Variants in ALG5 observed in about 807,000 individuals in gnomAD.
ALG5 encodes the protein dolichyl-phosphate beta-glucosyltransferase.
Under a neutral mutation model 51.8 loss-of-function variants are expected in ALG5, and 26 were observed. That is an observed-to-expected ratio of 0.50 (90% CI 0.37 to 0.70). The LOEUF is 0.70. Among genes scored for constraint, ALG5 ranks in the 30% least tolerant of loss-of-function variants. ALG5 has a pLI of 0.00. For synonymous variants in ALG5, 141 were observed against 136.1 expected, an observed-to-expected ratio of 1.04 and a Z score of -0.25; for missense variants, 311 against 399.3, an observed-to-expected ratio of 0.78 and a Z score of 1.88.
At chr13:36,971,168 T>C (rs984721664) in intron 7 of ALG5, among the ~76,000 whole-genome samples, 2 of 152,168 alleles carry the variant, frequency 1.3e-5, no homozygotes, top group East Asian at 3.8e-4. Flanking sequence ...GAATTGAACA[T>C]CTTTAGTGAC....
chr13:36,970,824 T>C (rs1384930428), intron 7 of ALG5, among the ~76,000 whole-genome samples: 5 of 151,418 alleles, frequency 3.3e-5, no homozygotes, highest in Non-Finnish European at 7.4e-5. Flanking sequence ...GGCAGAAGAA[T>C]TGCTTGAACC....
chr13:36,952,815 T>C lies in ALG5; in HGVS notation c.774-216A>G, dbSNP rs1222799657. On this transcript the variant is annotated intron_variant, in intron 8 of 9. Coordinates refer to ENST00000239891, the MANE Select transcript of ALG5 (RefSeq NM_013338.5). ...TAGAATATCATTGCATAATATTGTA[T>C]CTCTATTACAACTCAGAAACTCACA... is the stretch of plus-strand genomic sequence containing the variant. 3 of 338,752 alleles carry C rather than the reference T, an allele frequency of 8.9e-6. No homozygotes were observed. The East Asian group carries it at 1.6e-4, about 18-fold the overall frequency. 21.0% of individuals were successfully genotyped at this position (338,752 alleles called of 1,614,324 possible). A position where few individuals can be genotyped will look rare whatever the true frequency, so the allele number is the denominator to read the frequency against.
chr13:36,992,539 C>A (rs1057120444), intron 4 of ALG5, among the ~76,000 whole-genome samples: 4 of 152,154 alleles, frequency 2.6e-5, no homozygotes, highest in African/African-American at 9.7e-5. Flanking sequence ...AATGGATGCA[C>A]AATGAAGCTT....
intron 4 of ALG5, among the ~76,000 whole-genome samples, chr13:36,993,225 G>C (rs529186401): frequency 1.3e-5 from 2 of 152,210 alleles, no homozygotes; most frequent in Admixed American, 6.5e-5. Context: ...GGACACACCT[G>C]CTTCCCAGGG....
intron 5 of ALG5, among the ~76,000 whole-genome samples, chr13:36,989,126 T>C (rs895261932): frequency 1.3e-5 from 2 of 152,216 alleles, no homozygotes; most frequent in African/African-American, 4.8e-5. Context: ...TCTTAGTTCA[T>C]GCTACCATGC....
intron 1 of ALG5, 122 bp downstream of exon 1, chr13:36,999,113 A>T (rs866542394): frequency 2.4e-6 from 2 of 827,036 alleles, no homozygotes; most frequent in Middle Eastern, 3.7e-4. Flanking sequence ...AATTTGGGGG[A>T]ATCTAGGGGA....
intron 6 of ALG5, among the ~76,000 whole-genome samples, chr13:36,978,944 GA>G (rs1241080267): frequency 1.3e-5 from 2 of 149,202 alleles, no homozygotes; most frequent in Admixed American, 6.7e-5. Flanking sequence ...GAAAAAAAAA[GA>G]AAAAAAGATG....
intron 6 of ALG5, among the ~76,000 whole-genome samples, chr13:36,973,940 A>G (rs2058938005): frequency 6.6e-6 from 1 of 152,262 alleles, no homozygotes; most frequent in Non-Finnish European, 1.5e-5. Context: ...TATCAAAATT[A>G]CAAATATACA....
chr13:36,964,332 A>G, intron 8 of ALG5, among the ~76,000 whole-genome samples: 1 of 152,204 alleles, frequency 6.6e-6, no homozygotes, highest in Non-Finnish European at 1.5e-5. Flanking sequence ...TAAGTTTGCA[A>G]AGACCTTGTG....
chr13:36,998,205 A>T (rs1288944000), intron 1 of ALG5, among the ~76,000 whole-genome samples: 1 of 152,074 alleles, frequency 6.6e-6, no homozygotes, highest in Non-Finnish European at 1.5e-5. Context: ...CCCGCCAAAA[A>T]TCAATCAATC....
chr13:36,979,987 CA>C (rs2058972305), intron 6 of ALG5, among the ~76,000 whole-genome samples: 1 of 152,064 alleles, frequency 6.6e-6, no homozygotes, highest in Non-Finnish European at 1.5e-5. Context: ...GCAGAGGTTG[CA>C]GTGAGCCAAG....
At chr13:36,967,903 A>T in intron 7 of ALG5, 1 of 800,566 alleles carries the variant, frequency 1.2e-6, no homozygotes, top group Non-Finnish European at 1.8e-6. Flanking sequence ...AGTGATTTTT[A>T]ATGTGATTTG....
rs145476372 is a variant in ALG5 at position 36,995,944 on chromosome 13, G to A, written c.67-348C>T. 3.5e-3 allele frequency among the ~76,000 whole-genome samples: 534 copies of A among 152,168 alleles called. 3 individuals are homozygous for A. The Middle Eastern group carries it at 0.044, about 13-fold the overall frequency. ...AGGTGCCCTAAAACCCTGATCCTTA[G>A]CGTGTCTACATGCATAGAGACACAC... On this transcript the variant is annotated intron_variant, in intron 1 of 9. Transcript: ENST00000239891.
In ALG5 at chr13:36,999,256, C is replaced by CAGCGCCGCGCCG; in HGVS notation, c.33_44dup (p.Gly12_Leu15dup). The CAGCGCCGCGCCG allele has an allele frequency of 6.3e-7, 1 of 1,580,766 alleles. No homozygotes were observed. The highest frequency in any genetic ancestry group is 8.6e-7 in the Non-Finnish European group (1 of 1,166,380). On this transcript the variant is annotated inframe_insertion, in exon 1 of 10. Transcript: ENST00000239891. ...TCACCAGTACGAGGGCTGCGGCCGC[C>CAGCGCCGCGCCG]AGCGCCGCGCCGAGCACCGCCAGCT...
At chr13:36,957,127 G>A (rs569895325) in intron 8 of ALG5, among the ~76,000 whole-genome samples, 1 of 151,846 alleles carries the variant, frequency 6.6e-6, no homozygotes, top group African/African-American at 2.4e-5. Context: ...TGGCCAAATC[G>A]TTATTTACTG....
intron 7 of ALG5, among the ~76,000 whole-genome samples, chr13:36,968,478 T>C (rs1393562165): frequency 1.3e-5 from 2 of 152,188 alleles, no homozygotes; most frequent in East Asian, 3.8e-4. Flanking sequence ...TTTAAAATGA[T>C]AAATTCAAGA....
At chr13:36,963,358 A>G (rs1276764492) in intron 8 of ALG5, among the ~76,000 whole-genome samples, 1 of 152,246 alleles carries the variant, frequency 6.6e-6, no homozygotes, top group Non-Finnish European at 1.5e-5. Context: ...GGGAAGCTTC[A>G]TGATTTTTAA....
intron 7 of ALG5, among the ~76,000 whole-genome samples, chr13:36,970,089 C>CAT: frequency 6.7e-6 from 1 of 149,292 alleles, no homozygotes; most frequent in South Asian, 2.1e-4. Flanking sequence ...ATTATACACA[C>CAT]ATATATATAA....
intron 5 of ALG5, among the ~76,000 whole-genome samples, chr13:36,987,632 C>T (rs1434502100): frequency 6.6e-6 from 1 of 152,190 alleles, no homozygotes; most frequent in East Asian, 1.9e-4. Context: ...GCTCCGTGTA[C>T]AGCATGCAGA....
Sources: allele counts gnomAD v4.1 joint callset (sites outside exome capture counted in the v4.1 genomes callset), GRCh38; gene constraint gnomAD v4.1.1; transcripts MANE v1.5; gene names NCBI Gene and HGNC (gene_info 2026-07-23, HGNC 2026-07-21).